Variants in EIF5A2 observed in about 807,000 individuals in gnomAD.
The protein encoded by EIF5A2 is eukaryotic translation initiation factor 5A-2.
EIF5A2 carries 15 observed loss-of-function variants against 16.4 expected under a neutral mutation model. That is an observed-to-expected ratio of 0.92 (90% CI 0.61 to 1.41). The LOEUF is 1.41. Among genes scored for constraint, EIF5A2 ranks in the 40% most tolerant of loss-of-function variants. The pLI is 0.00. For synonymous variants in EIF5A2, 48 were observed against 61.1 expected (o/e 0.79, Z 1.00); for missense variants, 144 against 189.5 (o/e 0.76, Z 1.41).
rs1417613838 is a variant in EIF5A2, at chr3:170,893,180, CATATTGATAATTTTTTAAAAATTATCA to C, written c.*153_*179del. The C allele has an allele frequency of 4.1e-6, 2 of 484,304 alleles. No homozygotes were observed. Among genetic ancestry groups the C allele is most frequent in the Admixed American group, 7.8e-5 (2 of 25,584 alleles). 30.0% of individuals were successfully genotyped at this position (484,304 alleles called of 1,614,324 possible). A position where few individuals can be genotyped will look rare whatever the true frequency, so the allele number is the denominator to read the frequency against. Reference sequence around the variant, plus strand: ...TCTACAAAATTCAAAAAAAATTATACATATTGATAATTTTTTAAAAATTATCAATTGCTTGCAAAACTAACCCAGCAC... The same window carrying C: ...TCTACAAAATTCAAAAAAAATTATACATTGCTTGCAAAACTAACCCAGCAC... On this transcript the variant is annotated 3_prime_UTR_variant, in exon 5 of 5. Coordinates refer to ENST00000295822, the MANE Select transcript of EIF5A2 (RefSeq NM_020390.6).
intron 1 of EIF5A2, among the ~76,000 whole-genome samples, chr3:170,908,247 G>A (rs545561000): frequency 1.5e-4 from 23 of 152,172 alleles, no homozygotes; most frequent in Non-Finnish European, 2.9e-4. Context: ...AACAGAACCT[G>A]GCCAGCAGCA....
chr3:170,903,819 A>G (rs1366083229), intron 3 of EIF5A2, among the ~76,000 whole-genome samples: 2 of 152,232 alleles, frequency 1.3e-5, no homozygotes, highest in Non-Finnish European at 2.9e-5. Context: ...CATTCAAATA[A>G]TATACTACTT....
At position 170,893,300 on chromosome 3, in the gene EIF5A2, A is replaced by T. The variant is rs1227095083; in HGVS notation, c.*60T>A. 3.9e-5 allele frequency: 61 copies of T among 1,574,810 alleles called. No individual in the cohort carries two copies. Among genetic ancestry groups the T allele is most frequent in the Non-Finnish European group, 5.0e-5 (58 of 1,152,204 alleles). On this transcript the variant is annotated 3_prime_UTR_variant, in exon 5 of 5. Transcript: ENST00000295822. ...GGCTATAGCTTTGGTGACAACTTAG[A>T]ACCAAATTAGATCTGCAGTTGATTC...
At chr3:170,893,967 G>T (rs1487848915) in intron 4 of EIF5A2, among the ~76,000 whole-genome samples, 1 of 151,668 alleles carries the variant, frequency 6.6e-6, no homozygotes, top group Non-Finnish European at 1.5e-5. Flanking sequence ...GGACGCGGAG[G>T]TTGCAATGAG....
chr3:170,889,240 AC>A lies in EIF5A2; in HGVS notation c.*4119del, dbSNP rs1434144926. The A allele has an allele frequency of 6.6e-6, 1 of 152,270 alleles. No individual in the cohort carries two copies. Among genetic ancestry groups the A allele is most frequent in the Admixed American group, 6.6e-5 (1 of 15,234 alleles). The allele number at this position is 152,270 out of a possible 1,614,324, so 9.4% of individuals were successfully genotyped here. ...GTATACAGTACTTTTCAGGCACTTG[AC>A]CTCACTTGGTAGCTAAGTTGGTGTT... is the stretch of plus-strand genomic sequence containing the variant. On this transcript the variant is annotated 3_prime_UTR_variant, in exon 5 of 5. Transcript: ENST00000295822.
chr3:170,901,036 A>G (rs1712800373), intron 3 of EIF5A2, among the ~76,000 whole-genome samples: 1 of 152,244 alleles, frequency 6.6e-6, no homozygotes, highest in African/African-American at 2.4e-5. Flanking sequence ...AAGAAAATAA[A>G]AATCTGAACT....
chr3:170,905,715 A>G (rs1267554994), intron 3 of EIF5A2, among the ~76,000 whole-genome samples: 1 of 152,228 alleles, frequency 6.6e-6, no homozygotes, highest in Non-Finnish European at 1.5e-5. Flanking sequence ...GAAACAGAAC[A>G]GCACTTTTTG....
Position 170,891,984 on chromosome 3 carries a change from A to G in EIF5A2, c.*1376T>C, listed in dbSNP as rs559992929. 6.5e-6 allele frequency: 1 copy of G among 152,778 alleles called. No individual in the cohort carries two copies. Among genetic ancestry groups the G allele is most frequent in the African/African-American group, 2.4e-5 (1 of 41,584 alleles). The allele number at this position is 152,778 out of a possible 1,614,324, so 9.5% of individuals were successfully genotyped here. A position where few individuals can be genotyped will look rare whatever the true frequency, so the allele number is the denominator to read the frequency against. On this transcript the variant is annotated 3_prime_UTR_variant, in exon 5 of 5. Coordinates refer to ENST00000295822, the MANE Select transcript of EIF5A2 (RefSeq NM_020390.6). The stretch of plus-strand genomic sequence containing the variant: ...AAAATAACTTAACTTAAATAATAAT[A>G]TTCATATAAAGTAATGCTGCTTCCA...
intron 2 of EIF5A2, 104 bp from the exon 3 acceptor site, chr3:170,907,197 T>C: frequency 1.5e-6 from 1 of 678,526 alleles, no homozygotes; most frequent in Non-Finnish European, 2.4e-6. Context: ...ATTCTTTTTC[T>C]CCTCCTTCCA....
chr3:170,892,765 A>G lies in EIF5A2; in HGVS notation c.*595T>C, dbSNP rs925735670. 2 of 398,658 alleles carry G rather than the reference A, an allele frequency of 5.0e-6. No individual in the cohort carries two copies. The highest frequency in any genetic ancestry group is 8.8e-6 in the Non-Finnish European group (2 of 226,082). 24.7% of individuals were successfully genotyped at this position (398,658 alleles called of 1,614,324 possible). A position where few individuals can be genotyped will look rare whatever the true frequency, so the allele number is the denominator to read the frequency against. On this transcript the variant is annotated 3_prime_UTR_variant, in exon 5 of 5. Coordinates refer to ENST00000295822, the MANE Select transcript of EIF5A2 (RefSeq NM_020390.6). ...CATAAGAAGGGACTAAAACCACCAT[A>G]TAAGGTTACATCAAGTTTGCCAACA...
At position 170,892,868 on chromosome 3, in the gene EIF5A2, G is replaced by C; in HGVS notation, c.*492C>G. 2.5e-6 allele frequency: 1 copy of C among 398,894 alleles called. No homozygotes were observed. The highest frequency in any genetic ancestry group is 4.4e-6 in the Non-Finnish European group (1 of 226,034). 24.7% of individuals were successfully genotyped at this position (398,894 alleles called of 1,614,324 possible). On this transcript the variant is annotated 3_prime_UTR_variant, in exon 5 of 5. Coordinates refer to ENST00000295822, the MANE Select transcript of EIF5A2 (RefSeq NM_020390.6). The stretch of plus-strand genomic sequence containing the variant: ...AATAACTGACAGTTTTTGATAACAT[G>C]ATTTTTGTTTAAGGATTTGTGTTTG...
At chr3:170,900,833 T>C (rs1390360225) in intron 3 of EIF5A2, among the ~76,000 whole-genome samples, 2 of 152,218 alleles carry the variant, frequency 1.3e-5, no homozygotes, top group Non-Finnish European at 2.9e-5. Context: ...AAGGGAAGTT[T>C]CTTTTTATAG....
chr3:170,890,411 T>C lies in EIF5A2; in HGVS notation c.*2949A>G, dbSNP rs1415582658. ...AGTTTTGGTAATTAACATAAAGCGC[T>C]GGTACAGAGACTTGTATCATTAAGG... is the stretch of plus-strand genomic sequence containing the variant. On this transcript the variant is annotated 3_prime_UTR_variant, in exon 5 of 5. Coordinates refer to ENST00000295822, the MANE Select transcript of EIF5A2 (RefSeq NM_020390.6). 3 of 152,100 alleles carry C rather than the reference T, an allele frequency of 2.0e-5. No individual in the cohort carries two copies. In the East Asian group the frequency reaches 5.8e-4, roughly 29 times the overall value. 9.4% of individuals were successfully genotyped at this position (152,100 alleles called of 1,614,324 possible). A position where few individuals can be genotyped will look rare whatever the true frequency, so the allele number is the denominator to read the frequency against.
intron 3 of EIF5A2, among the ~76,000 whole-genome samples, chr3:170,900,168 C>T (rs1040364284): frequency 1.5e-4 from 22 of 151,570 alleles, no homozygotes; most frequent in Admixed American, 7.2e-4. Context: ...GTCAGGAGTC[C>T]GAGACCAACC....
At chr3:170,902,286 G>T (rs1712836578) in intron 3 of EIF5A2, among the ~76,000 whole-genome samples, 1 of 152,120 alleles carries the variant, frequency 6.6e-6, no homozygotes, top group South Asian at 2.1e-4. Flanking sequence ...CCATTCAGGG[G>T]TCAACCTGAA....
At position 170,892,585 on chromosome 3, in the gene EIF5A2, G is replaced by A. The variant is rs1341588855; in HGVS notation, c.*775C>T. 2.5e-6 allele frequency: 1 copy of A among 395,176 alleles called. No homozygotes were observed. The highest frequency in any genetic ancestry group is 4.5e-6 in the Non-Finnish European group (1 of 224,518). The allele number at this position is 395,176 out of a possible 1,614,324, so 24.5% of individuals were successfully genotyped here. A position where few individuals can be genotyped will look rare whatever the true frequency, so the allele number is the denominator to read the frequency against. ...GGCAAAGTTAAAAGCAAAAACAACT[G>A]AGAAACAACTTTTCATTTTTATGCT... On this transcript the variant is annotated 3_prime_UTR_variant, in exon 5 of 5. Coordinates refer to ENST00000295822, the MANE Select transcript of EIF5A2 (RefSeq NM_020390.6).
At position 170,892,862 on chromosome 3, in the gene EIF5A2, T is replaced by TA. The variant is rs1471031794; in HGVS notation, c.*497dup. 4 of 398,926 alleles carry TA rather than the reference T, an allele frequency of 1.0e-5. No homozygotes were observed. Among genetic ancestry groups the TA allele is most frequent in the African/African-American group, 2.1e-5 (1 of 48,632 alleles). 24.7% of individuals were successfully genotyped at this position (398,926 alleles called of 1,614,324 possible). A position where few individuals can be genotyped will look rare whatever the true frequency, so the allele number is the denominator to read the frequency against. On this transcript the variant is annotated 3_prime_UTR_variant, in exon 5 of 5. Transcript: ENST00000295822. ...CACCAAAATAACTGACAGTTTTTGA[T>TA]AACATGATTTTTGTTTAAGGATTTG...
At chr3:170,894,561 T>A in intron 3 of EIF5A2, 138 bp from the exon 4 acceptor site, 1 of 646,656 alleles carries the variant, frequency 1.5e-6, no homozygotes, top group East Asian at 3.2e-5. Flanking sequence ...TTTAAAATGC[T>A]AAAAATATAA....
intron 3 of EIF5A2, among the ~76,000 whole-genome samples, chr3:170,899,059 A>T (rs1416014564): frequency 6.6e-6 from 1 of 152,216 alleles, no homozygotes; most frequent in African/African-American, 2.4e-5. Flanking sequence ...ATTATTCAAT[A>T]TATAGTACAT....
Sources: gnomAD v4.1 joint callset for allele counts (sites outside exome capture counted in the v4.1 genomes callset) on GRCh38, gnomAD v4.1.1 for gene constraint, MANE v1.5 for transcripts, NCBI Gene and HGNC (gene_info 2026-07-23, HGNC 2026-07-21) for gene names.